B4GALNT2: variants seen among roughly 807,000 people sequenced by gnomAD.
B4GALNT2 encodes beta-1,4-N-acetyl-galactosaminyltransferase 2 (SID blood group).
In B4GALNT2, 42 loss-of-function variants were observed where a neutral mutation model predicts 51.1. That is an observed-to-expected ratio of 0.82 (90% confidence interval 0.64 to 1.06). The LOEUF is 1.06. B4GALNT2 is among the 50% of genes least tolerant of loss of function. The pLI, the probability that B4GALNT2 is intolerant of heterozygous loss-of-function variation, is 0.00. For missense variants in B4GALNT2, 602 were observed against 633.6 expected, an observed-to-expected ratio of 0.95 and a Z score of 0.54; for synonymous variants, 253 against 251.7, an observed-to-expected ratio of 1.01 and a Z score of -0.05.
At position 49,170,992 on chromosome 17, in the gene B4GALNT2, A is replaced by C. The variant is rs1172652409; in HGVS notation, c.*1264A>C. The C allele has an allele frequency of 1.3e-5, 2 of 155,350 alleles. No homozygotes were observed. The highest frequency in any genetic ancestry group is 2.4e-5 in the African/African-American group (1 of 41,480). The allele number at this position is 155,350 out of a possible 1,614,324, so 9.6% of individuals were successfully genotyped here. A position where few individuals can be genotyped will look rare whatever the true frequency, so the allele number is the denominator to read the frequency against. On this transcript the variant is annotated 3_prime_UTR_variant, in exon 11 of 11. Coordinates refer to ENST00000393354, the MANE Select transcript of B4GALNT2 (RefSeq NM_001159387.2). ...TTAGGAATGCTTTAAGCGGTTTTCC[A>C]CCCTGGGTGGGCCAGGTGTTCCTTG...
chr17:49,141,295 T>C lies in B4GALNT2; in HGVS notation c.63T>C (p.Leu21=). ...AGATATTGGTCATAATCCTGGTACT[T>C]GGCATTGTTGGATTTATGTTCGGAA... The part of the protein sequence containing the change: ...LLKILVIILV[L]GIVGFMFGSM... Residue 21 remains leucine (L), a synonymous_variant, in exon 2 of 11, where the codon CTT becomes CTC. Coordinates refer to ENST00000393354, the MANE Select transcript of B4GALNT2 (RefSeq NM_001159387.2). 1 of 1,614,168 alleles carries C rather than the reference T, an allele frequency of 6.2e-7. No homozygotes were observed. Among genetic ancestry groups the C allele is most frequent in the Middle Eastern group, 1.6e-4 (1 of 6,062 alleles).
intron 3 of B4GALNT2, among the ~76,000 whole-genome samples, chr17:49,151,065 A>T (rs2042749878): frequency 6.6e-6 from 1 of 152,022 alleles, no homozygotes; most frequent in African/African-American, 2.4e-5. Context: ...CAACCATTGT[A>T]CCGTAGTTCC....
At chr17:49,151,881 TAGG>T (rs959292010) in intron 3 of B4GALNT2, among the ~76,000 whole-genome samples, 6 of 152,230 alleles carry the variant, frequency 3.9e-5, no homozygotes, top group Non-Finnish European at 5.9e-5. Context: ...ATTTCAGCGG[TAGG>T]AGAAGTTCCA....
chr17:49,129,607 G>A (rs2042527142), upstream of B4GALNT2, among the ~76,000 whole-genome samples: 1 of 120,144 alleles, frequency 8.3e-6, no homozygotes, highest in Non-Finnish European at 1.9e-5. Flanking sequence ...CCTGAGAGGG[G>A]CTTCTGGCCG....
chr17:49,158,416 T>A (rs2042829570), intron 5 of B4GALNT2, among the ~76,000 whole-genome samples: 1 of 151,068 alleles, frequency 6.6e-6, no homozygotes, highest in African/African-American at 2.4e-5. Context: ...GGGAAAAGAG[T>A]CTAGGATTGG....
Position 49,166,232 on chromosome 17 carries a change from T to A in B4GALNT2, c.1073T>A (p.Leu358Gln). 1 of 1,613,964 alleles carries A rather than the reference T, an allele frequency of 6.2e-7. No individual in the cohort carries two copies. Among genetic ancestry groups the A allele is most frequent in the Non-Finnish European group, 8.5e-7 (1 of 1,180,006 alleles). ...AAGATTGAGGTGCTGGTGGATGTCC[T>A]GGAGAAAACAGAACTGGACGTGGTA... ...ETKIEVLVDV[L>Q]EKTELDVVGG... Residue 358 changes from leucine to glutamine, a missense_variant, in exon 9 of 11, where the codon CTG becomes CAG. By Grantham distance (113) the Leu-to-Gln change is moderately radical (BLOSUM62 -2). Transcript: ENST00000393354.
intron 1 of B4GALNT2, chr17:49,133,080 G>T (rs373518795): frequency 1.5e-5 from 22 of 1,510,222 alleles, no homozygotes; most frequent in East Asian, 5.4e-5. Context: ...GGCCTCTCGC[G>T]GCCGGGAATG....
At chr17:49,126,367 G>A in the B4GALNT2 span, among the ~76,000 whole-genome samples, 12 of 152,182 alleles carry the variant, frequency 7.9e-5, no homozygotes, top group African/African-American at 2.9e-4. Flanking sequence ...CACTGCGGAA[G>A]GCTGCAGGGT....
At chr17:49,163,431 T>G (rs767380467) in intron 7 of B4GALNT2, among the ~76,000 whole-genome samples, 1 of 120,884 alleles carries the variant, frequency 8.3e-6, no homozygotes, top group Non-Finnish European at 1.7e-5. Flanking sequence ...AACCCTTAGA[T>G]GGGCAAAGCT....
rs182304516 is a variant in B4GALNT2 at position 49,146,352 on chromosome 17, C to T, written c.353+4180C>T. 2.9e-3 allele frequency among the ~76,000 whole-genome samples: 446 copies of T among 152,138 alleles called. 1 individual carries two copies. Among genetic ancestry groups the T allele is most frequent in the African/African-American group, 0.01 (419 of 41,488 alleles). ...CAAGATGGAGTTTTGTTCTTGTTGC[C>T]CAGGCTGGAGCGCAATGGCACGATC... On this transcript the variant is annotated intron_variant, in intron 3 of 10. Transcript: ENST00000393354.
chr17:49,140,725 C>CTTT (rs3086734), intron 1 of B4GALNT2, among the ~76,000 whole-genome samples: 7,253 of 131,650 alleles, frequency 0.055, 442 homozygotes, highest in Middle Eastern at 0.12. Flanking sequence ...CATTACTAAC[C>CTTT]TTTTTTTTTT....
intron 3 of B4GALNT2, among the ~76,000 whole-genome samples, chr17:49,145,696 T>C (rs1372253691): frequency 6.6e-6 from 1 of 152,172 alleles, no homozygotes; most frequent in Non-Finnish European, 1.5e-5. Flanking sequence ...CCCATTGACC[T>C]TAATCACAGG....
intron 3 of B4GALNT2, among the ~76,000 whole-genome samples, chr17:49,152,590 C>T (rs976901057): frequency 6.6e-6 from 1 of 152,156 alleles, no homozygotes; most frequent in South Asian, 2.1e-4. Context: ...GCAGGAGAAT[C>T]GCTTGAGCCC....
rs1024200915 is a variant in B4GALNT2, at chr17:49,141,899, C to T, written c.216-136C>T. ...GGGCCAGTGCAGGGGACTCCAGGGT[C>T]TCATCATCTCAGAACAGTTGGGTGT... On this transcript the variant is annotated intron_variant, in intron 2 of 10. Transcript: ENST00000393354. 1.2e-5 allele frequency: 13 copies of T among 1,122,244 alleles called. No individual in the cohort carries two copies. The African/African-American group carries it at 1.6e-4, about 13-fold the overall frequency. 69.5% of individuals were successfully genotyped at this position (1,122,244 alleles called of 1,614,324 possible).
Position 49,170,927 on chromosome 17 carries a change from T to C in B4GALNT2, c.*1199T>C, listed in dbSNP as rs1490471028. On this transcript the variant is annotated 3_prime_UTR_variant, in exon 11 of 11. Transcript: ENST00000393354. ...TGGCTAGTTATCTGCAGCAGGAACATGTCCTTAAAGCACAGATAGCTCATA... is the reference window on the plus strand; with the variant it reads ...TGGCTAGTTATCTGCAGCAGGAACACGTCCTTAAAGCACAGATAGCTCATA... 6.5e-6 allele frequency: 1 copy of C among 152,988 alleles called. No individual in the cohort carries two copies. The highest frequency in any genetic ancestry group is 6.5e-5 in the Admixed American group (1 of 15,406). 9.5% of individuals were successfully genotyped at this position (152,988 alleles called of 1,614,324 possible).
intron 1 of B4GALNT2, among the ~76,000 whole-genome samples, chr17:49,138,071 T>C (rs989722355): frequency 6.6e-6 from 1 of 152,174 alleles, no homozygotes; most frequent in African/African-American, 2.4e-5. Context: ...GTCTAGAGTG[T>C]TCCTAGTTCC....
chr17:49,144,534 C>T (rs1401901484), intron 3 of B4GALNT2, among the ~76,000 whole-genome samples: 21 of 152,198 alleles, frequency 1.4e-4, no homozygotes. Context: ...CATTCAGGTC[C>T]TGCATCCTCT....
At chr17:49,137,074 T>TC (rs1472730481) in intron 1 of B4GALNT2, among the ~76,000 whole-genome samples, 1 of 151,904 alleles carries the variant, frequency 6.6e-6, no homozygotes, top group Non-Finnish European at 1.5e-5. Flanking sequence ...CTTTTTTTTT[T>TC]CCCCAAAGAG....
At chr17:49,128,238 C>T (rs147009963), upstream of B4GALNT2, among the ~76,000 whole-genome samples, 384 of 152,240 alleles carry the variant, frequency 2.5e-3, 4 homozygotes, top group Middle Eastern at 0.027. Flanking sequence ...GCCTTCACCC[C>T]CAGCCACTTT....
Sources: gnomAD v4.1 joint callset for allele counts (sites outside exome capture counted in the v4.1 genomes callset) on GRCh38, gnomAD v4.1.1 for gene constraint, MANE v1.5 for transcripts, NCBI Gene and HGNC (gene_info 2026-07-23, HGNC 2026-07-21) for gene names.